SUSD5: variants seen among roughly 807,000 people sequenced by gnomAD.
The protein encoded by SUSD5 is sushi domain containing 5.
A neutral mutation model predicts 29.5 loss-of-function variants in SUSD5; 33 were observed. The observed-to-expected ratio is 1.12, with a 90% CI of 0.85 to 1.49. SUSD5 has a LOEUF of 1.49. SUSD5 is among the 40% of genes most tolerant of loss of function. SUSD5 has a pLI of 0.00. For synonymous variants in SUSD5, 308 were observed against 325.3 expected, an observed-to-expected ratio of 0.95 and a Z score of 0.57; for missense variants, 776 against 800.6, an observed-to-expected ratio of 0.97 and a Z score of 0.37.
intron 3 of SUSD5, among the ~76,000 whole-genome samples, chr3:33,197,887 C>T (rs189377808): frequency 1.7e-3 from 257 of 152,172 alleles, no homozygotes; most frequent in Non-Finnish European, 3.1e-3. Flanking sequence ...ACATCTGTGT[C>T]GCTTCCAGTT....
At chr3:33,171,095 A>G (rs2031416899) in intron 4 of SUSD5, among the ~76,000 whole-genome samples, 1 of 152,236 alleles carries the variant, frequency 6.6e-6, no homozygotes, top group South Asian at 2.1e-4. Flanking sequence ...CAATCCCAGC[A>G]CTTTGGGAGG....
At chr3:33,177,179 G>A (rs1484134324) in intron 3 of SUSD5, among the ~76,000 whole-genome samples, 1 of 152,192 alleles carries the variant, frequency 6.6e-6, no homozygotes, top group Non-Finnish European at 1.5e-5. Context: ...TGATGACCTT[G>A]AGAAGTAGGA....
chr3:33,184,397 G>A (rs561508171), intron 3 of SUSD5, among the ~76,000 whole-genome samples: 1 of 152,068 alleles, frequency 6.6e-6, no homozygotes, highest in African/African-American at 2.4e-5. Context: ...GATATGCCAG[G>A]GTGTAGTTTT....
Position 33,213,997 on chromosome 3 carries a change from A to G in SUSD5, c.221T>C (p.Leu74Pro). ...GGAGCAATCCTGTACCACTCTCCGC[A>G]GCTCGTCTGCAGATGCCAGGTGAGC... Reference protein sequence around the residue: ...RGAHLASADELRRVVQDCSFA... With the variant: ...RGAHLASADEPRRVVQDCSFA... Residue 74 changes from leucine to proline, a missense_variant, in exon 2 of 5, where the codon CTG (leucine) becomes CCG (proline). Physicochemically the swap from Leu to Pro is moderately conservative, Grantham distance 98. Coordinates refer to ENST00000309558, the MANE Select transcript of SUSD5 (RefSeq NM_015551.2). 6.2e-7 allele frequency: 1 copy of G among 1,613,878 alleles called. No individual in the cohort carries two copies. Among genetic ancestry groups the G allele is most frequent in the Non-Finnish European group, 8.5e-7 (1 of 1,179,836 alleles).
Position 33,154,027 on chromosome 3 carries a change from G to C in SUSD5, c.605C>G (p.Ala202Gly). ...GLVQACGKDE[A>G]EAHIDYEDNF... Reference sequence around the variant, plus strand: ...ATCTTCATAGTCAATGTGTGCCTCAGCCTCATCTGGAAGAAAAGAGGGAAA... The same window carrying C: ...ATCTTCATAGTCAATGTGTGCCTCACCCTCATCTGGAAGAAAAGAGGGAAA... The change falls in exon 5 of 5, where the codon GCT (alanine) becomes GGT (glycine). Residue 202 changes from alanine (A) to glycine (G), a missense_variant. Transcript: ENST00000309558. The C allele has an allele frequency of 6.3e-7, 1 of 1,578,870 alleles. No individual in the cohort carries two copies. Among genetic ancestry groups the C allele is most frequent in the Non-Finnish European group, 8.6e-7 (1 of 1,166,054 alleles).
rs755194545 is a variant in SUSD5, at chr3:33,175,005, C to T, written c.479G>A (p.Gly160Glu). 3 of 1,614,072 alleles carry T rather than the reference C, an allele frequency of 1.9e-6. No individual in the cohort carries two copies. The Admixed American group carries it at 5.0e-5, about 27-fold the overall frequency. ...ILQGRTGLEM[G>E]DELLYVCAPG... ...GGCACACACGTACAGCAGTTCATCC[C>T]CCATTTCCAAGCCGGTGCGGCCCTG... Residue 160 changes from glycine to glutamate, a missense_variant, in exon 4 of 5, where the codon GGG (glycine) becomes GAG (glutamate). By Grantham distance (98) the Gly-to-Glu change is moderately conservative. Transcript: ENST00000309558.
At chr3:33,213,272 G>A (rs1186187427) in intron 2 of SUSD5, among the ~76,000 whole-genome samples, 1 of 151,952 alleles carries the variant, frequency 6.6e-6, no homozygotes, top group Non-Finnish European at 1.5e-5. Context: ...CAGGTGTTGT[G>A]GCACATGCCT....
chr3:33,192,065 A>G (rs539376715), intron 3 of SUSD5, among the ~76,000 whole-genome samples: 15 of 149,742 alleles, frequency 1.0e-4, no homozygotes, highest in Middle Eastern at 3.5e-3. Context: ...GTGATTTCTT[A>G]TATTAATGCG....
intron 4 of SUSD5, among the ~76,000 whole-genome samples, chr3:33,158,276 GA>G (rs1212817875): frequency 6.6e-6 from 1 of 152,116 alleles, no homozygotes; most frequent in East Asian, 1.9e-4. Context: ...ATAACACCCC[GA>G]AGACCCTCTG....
At chr3:33,209,245 C>T (rs1263794299) in intron 2 of SUSD5, among the ~76,000 whole-genome samples, 1 of 152,104 alleles carries the variant, frequency 6.6e-6, no homozygotes, top group African/African-American at 2.4e-5. Flanking sequence ...ACCAGTCTTA[C>T]CATGATGTGC....
At position 33,174,939 on chromosome 3, in the gene SUSD5, A is replaced by G; in HGVS notation, c.545T>C (p.Leu182Ser). The change falls in exon 4 of 5, where the codon TTG (leucine) becomes TCG (serine). Residue 182 changes from leucine (L) to serine (S), a missense_variant. Transcript: ENST00000309558. The part of the protein sequence containing the change: ...IMGHRETAFT[L>S]LCNSCGEWYG... ...CCACTCCCCACAGCTGTTACATAGCAAGGTGAAGGCGGTCTCCCGGTGGCC... is the reference window on the plus strand; with the variant it reads ...CCACTCCCCACAGCTGTTACATAGCGAGGTGAAGGCGGTCTCCCGGTGGCC... 1 of 1,614,034 alleles carries G rather than the reference A, an allele frequency of 6.2e-7. No individual in the cohort carries two copies.
chr3:33,171,647 T>C (rs2031430561), intron 4 of SUSD5, among the ~76,000 whole-genome samples: 1 of 152,196 alleles, frequency 6.6e-6, no homozygotes, highest in Admixed American at 6.5e-5. Flanking sequence ...GTCCTTGGCC[T>C]TCTTCCTCCC....
intron 3 of SUSD5, among the ~76,000 whole-genome samples, chr3:33,182,832 G>A (rs1245111485): frequency 6.6e-6 from 1 of 152,134 alleles, no homozygotes; most frequent in East Asian, 1.9e-4. Flanking sequence ...TGTCACCCAA[G>A]CTGGAGTGCA....
In SUSD5 at chr3:33,153,723, C is replaced by G. The variant is rs2030975974; in HGVS notation, c.909G>C (p.Lys303Asn). 1.2e-6 allele frequency: 2 copies of G among 1,614,050 alleles called. No homozygotes were observed. Among genetic ancestry groups the G allele is most frequent in the Non-Finnish European group, 1.7e-6 (2 of 1,179,906 alleles). The change falls in exon 5 of 5, where the codon AAG (lysine) becomes AAC (asparagine). Residue 303 changes from lysine (K) to asparagine (N), a missense_variant. Lys to Asn is a moderately conservative substitution (Grantham distance 94). Transcript: ENST00000309558. The part of the protein sequence containing the change: ...LFWFPAEAFH[K>N]PGLEKEVDDD... Reference sequence around the variant, plus strand: ...CATCCACCTCCTTTTCCAACCCAGGCTTGTGGAAAGCCTCAGCAGGAAACC... The same window carrying G: ...CATCCACCTCCTTTTCCAACCCAGGGTTGTGGAAAGCCTCAGCAGGAAACC...
intron 3 of SUSD5, among the ~76,000 whole-genome samples, chr3:33,180,756 C>T (rs1293206515): frequency 1.3e-5 from 2 of 151,990 alleles, no homozygotes; most frequent in Non-Finnish European, 2.9e-5. Context: ...AGGAGAATAG[C>T]TTGAACCCAG....
At chr3:33,208,476 C>CA (rs1284614043) in intron 2 of SUSD5, among the ~76,000 whole-genome samples, 2 of 152,050 alleles carry the variant, frequency 1.3e-5, no homozygotes, top group African/African-American at 4.8e-5. Context: ...GTTCATCTCA[C>CA]AATCTCTGTT....
chr3:33,155,126 C>G (rs2031020678), intron 4 of SUSD5, among the ~76,000 whole-genome samples: 1 of 152,160 alleles, frequency 6.6e-6, no homozygotes, highest in South Asian at 2.1e-4. Context: ...AAAGCTACCA[C>G]AAAGAGAGTT....
intron 3 of SUSD5, among the ~76,000 whole-genome samples, chr3:33,202,023 G>C (rs1040775152): frequency 9.7e-6 from 1 of 102,784 alleles, no homozygotes; most frequent in African/African-American, 3.7e-5. Flanking sequence ...GAGGGGAGAA[G>C]TTATCTATCT....
chr3:33,163,905 C>T (rs970163620), intron 4 of SUSD5, among the ~76,000 whole-genome samples: 1 of 152,148 alleles, frequency 6.6e-6, no homozygotes, highest in Admixed American at 6.6e-5. Flanking sequence ...GAGGCTGAGG[C>T]AGGAGAATGG....
Sources: allele counts gnomAD v4.1 joint callset (sites outside exome capture counted in the v4.1 genomes callset), GRCh38; gene constraint gnomAD v4.1.1; transcripts MANE v1.5; gene names NCBI Gene and HGNC (gene_info 2026-07-23, HGNC 2026-07-21).